SPAG9: variants seen among roughly 807,000 people sequenced by gnomAD.
The protein encoded by SPAG9 is sperm associated antigen 9.
SPAG9 carries 35 observed loss-of-function variants against 166.5 expected under a neutral mutation model. The ratio of observed to expected loss-of-function variants is 0.21; its 90% confidence interval spans 0.16 to 0.28. The LOEUF (loss-of-function observed/expected upper bound fraction) is 0.28. Ranked by LOEUF, SPAG9 falls within the 10% of genes least tolerant of loss-of-function variation. The pLI is 1.00. For synonymous variants in SPAG9, 534 were observed against 565.5 expected (o/e 0.94, Z 0.79); for missense variants, 1,235 against 1,603.3 (o/e 0.77, Z 3.92).
intron 2 of SPAG9, among the ~76,000 whole-genome samples, chr17:51,078,482 A>C (rs1271207446): frequency 6.6e-6 from 1 of 152,194 alleles, no homozygotes; most frequent in Non-Finnish European, 1.5e-5. Context: ...CTTCATGAGT[A>C]ATGTGGATAG....
At chr17:51,077,448 T>A (rs1203042233) in intron 2 of SPAG9, among the ~76,000 whole-genome samples, 1 of 151,844 alleles carries the variant, frequency 6.6e-6, no homozygotes, top group Non-Finnish European at 1.5e-5. Context: ...AAAAGTACAA[T>A]CAAATTAGGA....
chr17:51,005,034 G>GA (rs1295224967), intron 12 of SPAG9, among the ~76,000 whole-genome samples, 178 bp downstream of exon 12: 1 of 152,182 alleles, frequency 6.6e-6, no homozygotes, highest in Non-Finnish European at 1.5e-5. Context: ...CATGGAGCTA[G>GA]AAAGCTCAGC....
intron 1 of SPAG9, among the ~76,000 whole-genome samples, chr17:51,117,999 C>A (rs2049343409): frequency 6.6e-6 from 1 of 151,668 alleles, no homozygotes; most frequent in Admixed American, 6.6e-5. Context: ...TACATATTAG[C>A]TGGGCGGGGT....
At chr17:50,985,804 A>G (rs1267908008) in intron 22 of SPAG9, 26 bp from the exon 23 acceptor site, 1 of 1,372,370 alleles carries the variant, frequency 7.3e-7, no homozygotes, top group Non-Finnish European at 1.0e-6. Context: ...CAACACTGGT[A>G]AGGCATAGAG....
rs182368283 is a variant in SPAG9, at chr17:51,001,905, C to T, written c.1477-60G>A. The stretch of plus-strand genomic sequence containing the variant: ...AGCTTATAAATGTCTTGGTGTTCAT[C>T]TCAGAGTTATGCAAAATCTTTCAGT... On this transcript the variant is annotated intron_variant, in intron 12 of 29. Coordinates refer to ENST00000262013, the MANE Select transcript of SPAG9 (RefSeq NM_001130528.3). The T allele has an allele frequency of 5.4e-6, 8 of 1,491,950 alleles. No individual in the cohort carries two copies. The Admixed American group carries it at 1.5e-4, about 28-fold the overall frequency. 92.4% of individuals were successfully genotyped at this position (1,491,950 alleles called of 1,614,324 possible).
At chr17:51,018,160 G>T (rs2045780045) in intron 8 of SPAG9, among the ~76,000 whole-genome samples, 1 of 151,650 alleles carries the variant, frequency 6.6e-6, no homozygotes, top group Admixed American at 6.6e-5. Context: ...AGACCAGTCT[G>T]GCCAACATGG....
chr17:51,059,152 T>C (rs577263975), intron 2 of SPAG9, among the ~76,000 whole-genome samples: 11 of 152,194 alleles, frequency 7.2e-5, no homozygotes, highest in Non-Finnish European at 1.0e-4. Flanking sequence ...GAATACAAAA[T>C]TCAAAGACAT....
At chr17:50,985,940 G>A (rs1280446076) in intron 22 of SPAG9, among the ~76,000 whole-genome samples, 162 bp from the exon 23 acceptor site, 1 of 152,248 alleles carries the variant, frequency 6.6e-6, no homozygotes, top group Non-Finnish European at 1.5e-5. Context: ...AGAAAAATGA[G>A]AGTGAGGGTA....
At chr17:51,078,462 ACTATGTAG>A (rs1470974211) in intron 2 of SPAG9, among the ~76,000 whole-genome samples, 18 of 152,164 alleles carry the variant, frequency 1.2e-4, no homozygotes, top group Non-Finnish European at 2.9e-5. Flanking sequence ...AGCTGGTGTC[ACTATGTAG>A]CCTTCATGAG....
rs139638973 is a variant in SPAG9, at chr17:51,046,892, G to C, written c.590+483C>G. 3.3e-5 allele frequency: 50 copies of C among 1,518,212 alleles called. 1 individual carries two copies. The Middle Eastern group carries it at 6.8e-3, about 206-fold the overall frequency. The allele number at this position is 1,518,212 out of a possible 1,614,324, so 94.0% of individuals were successfully genotyped here. ...TAGCATTTATGCAGCAACCCCAAGC[G>C]ACAGCCAGCCTATTAACTATTTTCC... On this transcript the variant is annotated intron_variant, in intron 4 of 29. Coordinates refer to ENST00000262013, the MANE Select transcript of SPAG9 (RefSeq NM_001130528.3).
intron 1 of SPAG9, among the ~76,000 whole-genome samples, chr17:51,092,878 C>A (rs1000395093): frequency 6.6e-6 from 1 of 151,934 alleles, no homozygotes; most frequent in Admixed American, 6.6e-5. Context: ...TTCTAAGCTG[C>A]AGTGAGCTAT....
At chr17:51,092,751 C>CAA (rs200338786) in intron 1 of SPAG9, among the ~76,000 whole-genome samples, 17 of 54,184 alleles carry the variant, frequency 3.1e-4, no homozygotes, top group African/African-American at 1.0e-3. Flanking sequence ...CTTGTCTCTA[C>CAA]AAAAAAAAAA....
chr17:51,108,535 G>A (rs1257323839), intron 1 of SPAG9, among the ~76,000 whole-genome samples: 3 of 152,070 alleles, frequency 2.0e-5, no homozygotes, highest in African/African-American at 7.2e-5. Flanking sequence ...AGCAAGTGGT[G>A]CTGTGTGCCA....
rs2046398841 is a variant in SPAG9 at position 51,031,917 on chromosome 17, T to C, written c.742-195A>G. 5.9e-6 allele frequency: 4 copies of C among 677,126 alleles called. No homozygotes were observed. In the South Asian group the frequency reaches 6.0e-5, roughly 10 times the overall value. The allele number at this position is 677,126 out of a possible 1,614,324, so 41.9% of individuals were successfully genotyped here. On this transcript the variant is annotated intron_variant, in intron 5 of 29. Coordinates refer to ENST00000262013, the MANE Select transcript of SPAG9 (RefSeq NM_001130528.3). ...TAACACTCTAGTTTAAGTAATATCA[T>C]GGTTCAGAAGCCACCACTTGGATCA...
At chr17:51,038,445 T>G (rs1397624719) in intron 5 of SPAG9, among the ~76,000 whole-genome samples, 1 of 152,202 alleles carries the variant, frequency 6.6e-6, no homozygotes, top group Non-Finnish European at 1.5e-5. Context: ...TTCAAGAAGC[T>G]GAATATATTG....
At chr17:50,979,148 C>T (rs186789062) in intron 26 of SPAG9, among the ~76,000 whole-genome samples, 11 of 151,542 alleles carry the variant, frequency 7.3e-5, no homozygotes, top group Non-Finnish European at 7.4e-5. Flanking sequence ...GAGGTCTGGG[C>T]CAATCACTTG....
chr17:50,987,926 A>G lies in SPAG9; in HGVS notation c.2814-689T>C, dbSNP rs1012705588. Among the ~76,000 whole-genome samples the G allele has an allele frequency of 2.4e-4, 36 of 152,240 alleles. 1 individual carries two copies. Among genetic ancestry groups the G allele is most frequent in the African/African-American group, 2.4e-5 (1 of 41,468 alleles). On this transcript the variant is annotated intron_variant, in intron 21 of 29. Coordinates refer to ENST00000262013, the MANE Select transcript of SPAG9 (RefSeq NM_001130528.3). ...TCAAACATGACTTATTCTTAAATTA[A>G]TAATTCAGGCCAGGTGCGGTGGCTC...
At chr17:50,992,711 G>C (rs547049671) in intron 19 of SPAG9, among the ~76,000 whole-genome samples, 5 of 152,188 alleles carry the variant, frequency 3.3e-5, no homozygotes, top group Admixed American at 6.5e-5. Flanking sequence ...TGTTAAGAGG[G>C]TAGATCTCAG....
intron 4 of SPAG9, chr17:51,046,573 CAGAG>C: frequency 6.5e-7 from 1 of 1,536,146 alleles, no homozygotes; most frequent in South Asian, 1.2e-5. Flanking sequence ...AGCAGCAAAA[CAGAG>C]AGAGATACTA....
Sources: gnomAD v4.1 joint callset for allele counts (sites outside exome capture counted in the v4.1 genomes callset) on GRCh38, gnomAD v4.1.1 for gene constraint, MANE v1.5 for transcripts, NCBI Gene and HGNC (gene_info 2026-07-23, HGNC 2026-07-21) for gene names.